Variants in NAALADL2 observed in about 807,000 individuals in gnomAD.
The protein encoded by NAALADL2 is N-acetylated alpha-linked acidic dipeptidase like 2, also known as inactive N-acetylated-alpha-linked acidic dipeptidase-like protein 2.
A neutral mutation model predicts 87.2 loss-of-function variants in NAALADL2; 76 were observed. The observed-to-expected ratio is 0.87, with a 90% CI of 0.72 to 1.05. The LOEUF (loss-of-function observed/expected upper bound fraction) is 1.05, where lower values mean the gene tolerates loss of function less well. Among genes scored for constraint, NAALADL2 ranks in the 50% least tolerant of loss-of-function variants. NAALADL2 has a pLI of 0.00. For synonymous variants in NAALADL2, 354 were observed against 331.0 expected (o/e 1.07, Z -0.75); for missense variants, 1,089 against 945.8 (o/e 1.15, Z -1.99).
intron 1 of NAALADL2, among the ~76,000 whole-genome samples, chr3:174,945,334 A>G (rs1739252112): frequency 6.6e-6 from 1 of 152,178 alleles, no homozygotes; most frequent in Non-Finnish European, 1.5e-5. Flanking sequence ...ACTAGGGATG[A>G]TAACTGGAGA....
chr3:175,755,385 T>G lies in NAALADL2; in HGVS notation c.2156T>G (p.Phe719Cys). The change falls in exon 13 of 14, where the codon TTT (phenylalanine) becomes TGT (cysteine). Residue 719 changes from phenylalanine to cysteine, a missense_variant. Physicochemically the swap from Phe to Cys is radical, Grantham distance 205 (BLOSUM62 -2). Transcript: ENST00000454872. Reference protein sequence around the residue: ...NDILQDMEKSFLVKQAPPGFY... With the variant: ...NDILQDMEKSCLVKQAPPGFY... ...ATTCTCCAAGACATGGAGAAAAGCT[T>G]TCTGGTAAAGCAGGCACCACCAGGT... is the stretch of plus-strand genomic sequence containing the variant. 6.2e-7 allele frequency: 1 copy of G among 1,606,850 alleles called. No homozygotes were observed. Among genetic ancestry groups the G allele is most frequent in the Non-Finnish European group, 8.5e-7 (1 of 1,175,978 alleles).
chr3:175,458,595 T>C (rs1234845102), intron 6 of NAALADL2, among the ~76,000 whole-genome samples: 1 of 148,538 alleles, frequency 6.7e-6, no homozygotes, highest in East Asian at 1.9e-4. Flanking sequence ...AAATAAATTA[T>C]ATATATATAA....
chr3:175,337,141 A>G (rs1007710395), intron 5 of NAALADL2, among the ~76,000 whole-genome samples: 6 of 152,244 alleles, frequency 3.9e-5, no homozygotes, highest in African/African-American at 7.2e-5. Context: ...TTGGAATTAC[A>G]TAAGACAATT....
intron 3 of NAALADL2, among the ~76,000 whole-genome samples, chr3:174,797,305 C>CTTTTTTTTTTTT (rs1160338109): frequency 4.7e-4 from 34 of 72,718 alleles, no homozygotes; most frequent in African/African-American, 1.1e-3. Context: ...TTTCTTTTTT[C>CTTTTTTTTTTTT]TTTTTTTTTT....
intron 11 of NAALADL2, among the ~76,000 whole-genome samples, chr3:175,629,130 T>C (rs1312942414): frequency 6.7e-6 from 1 of 148,618 alleles, no homozygotes; most frequent in Non-Finnish European, 1.5e-5. Context: ...ATTATATATA[T>C]ATAATATATA....
At chr3:175,798,707 G>A (rs963170042) in intron 13 of NAALADL2, among the ~76,000 whole-genome samples, 1 of 151,884 alleles carries the variant, frequency 6.6e-6, no homozygotes, top group African/African-American at 2.4e-5. Context: ...TTTTTAGGAT[G>A]TATTTTTATT....
intron 9 of NAALADL2, among the ~76,000 whole-genome samples, chr3:175,510,058 T>A (rs972574717): frequency 6.6e-6 from 1 of 151,426 alleles, no homozygotes; most frequent in African/African-American, 2.4e-5. Context: ...GTCCATGTGT[T>A]CTCATTGTTC....
intron 2 of NAALADL2, among the ~76,000 whole-genome samples, chr3:174,668,995 A>C (rs1343828092): frequency 6.6e-6 from 1 of 152,164 alleles, no homozygotes; most frequent in South Asian, 2.1e-4. Flanking sequence ...GAATTGCCAC[A>C]CTGACTTCCA....
chr3:175,192,659 A>C (rs75387506), intron 2 of NAALADL2, among the ~76,000 whole-genome samples: 1,653 of 152,202 alleles, frequency 0.011, 16 homozygotes, highest in Admixed American at 0.015. Flanking sequence ...TAATTATGAC[A>C]ACAGTCACTA....
intron 9 of NAALADL2, among the ~76,000 whole-genome samples, chr3:175,554,675 A>G (rs1387335648): frequency 1.3e-5 from 2 of 152,102 alleles, no homozygotes; most frequent in Non-Finnish European, 2.9e-5. Context: ...TGGTACCAAT[A>G]TAATTTATTG....
At chr3:175,661,639 G>A (rs998207964) in intron 11 of NAALADL2, among the ~76,000 whole-genome samples, 11 of 151,938 alleles carry the variant, frequency 7.2e-5, no homozygotes, top group African/African-American at 2.2e-4. Context: ...TTACGTTTAA[G>A]TCTTTAATTC....
At chr3:174,768,730 G>A (rs926100492) in intron 3 of NAALADL2, among the ~76,000 whole-genome samples, 2 of 152,082 alleles carry the variant, frequency 1.3e-5, no homozygotes, top group African/African-American at 4.8e-5. Flanking sequence ...GGTGAAAAGA[G>A]TTTTTAAATA....
chr3:174,678,121 C>T (rs1727212542), intron 2 of NAALADL2, among the ~76,000 whole-genome samples: 1 of 152,070 alleles, frequency 6.6e-6, no homozygotes, highest in African/African-American at 2.4e-5. Flanking sequence ...CAAGGACAGG[C>T]CATGAATAAT....
rs547607513 is a variant in NAALADL2, at chr3:175,304,009, A to ATT, written c.940-20154_940-20153dup. On this transcript the variant is annotated intron_variant, in intron 4 of 13. Transcript: ENST00000454872. ...GGGTGGATAGTTTCATACCATTAGG[A>ATT]TTTTTTTTTTTTTACATATGAAAAT... Among the ~76,000 whole-genome samples the ATT allele has an allele frequency of 9.6e-3, 1,411 of 146,736 alleles. 30 individuals are homozygous for ATT. The highest frequency in any genetic ancestry group is 0.032 in the African/African-American group (1,298 of 40,638).
At chr3:174,924,994 C>G (rs1314413538) in intron 1 of NAALADL2, among the ~76,000 whole-genome samples, 1 of 152,072 alleles carries the variant, frequency 6.6e-6, no homozygotes, top group Admixed American at 6.5e-5. Flanking sequence ...GAGTAGATTG[C>G]AAAAATTTTC....
intron 1 of NAALADL2, among the ~76,000 whole-genome samples, chr3:175,045,040 C>A (rs73883318): frequency 0.011 from 1,646 of 152,016 alleles, 29 homozygotes; most frequent in African/African-American, 0.038. Flanking sequence ...TTCCCCCATC[C>A]CATTGCAACC....
chr3:174,723,560 C>A (rs1441293366), intron 2 of NAALADL2, among the ~76,000 whole-genome samples: 1 of 151,920 alleles, frequency 6.6e-6, no homozygotes, highest in African/African-American at 2.4e-5. Flanking sequence ...TCCAGACCAT[C>A]CTGGCTAACA....
At chr3:175,478,150 A>G (rs1366512707) in intron 9 of NAALADL2, among the ~76,000 whole-genome samples, 6 of 151,896 alleles carry the variant, frequency 4.0e-5, no homozygotes, top group Non-Finnish European at 8.8e-5. Context: ...TTAGTTTTTA[A>G]TGAGAGAAAT....
At chr3:175,133,191 T>G (rs1204983106) in intron 2 of NAALADL2, among the ~76,000 whole-genome samples, 1 of 147,818 alleles carries the variant, frequency 6.8e-6, no homozygotes, top group Non-Finnish European at 1.5e-5. Context: ...GCTCCTCACT[T>G]CCTAGATGGG....
Sources: allele counts gnomAD v4.1 joint callset (sites outside exome capture counted in the v4.1 genomes callset), GRCh38; gene constraint gnomAD v4.1.1; transcripts MANE v1.5; gene names NCBI Gene and HGNC (gene_info 2026-07-23, HGNC 2026-07-21).